ADAM29: variants seen among roughly 807,000 people sequenced by gnomAD.
ADAM29 encodes ADAM metallopeptidase domain 29, also known as disintegrin and metalloproteinase domain-containing protein 29.
For missense variants in ADAM29, 969 were observed against 1,001.8 expected, an observed-to-expected ratio of 0.97 and a Z score of 0.44; for synonymous variants, 367 against 342.3, an observed-to-expected ratio of 1.07 and a Z score of -0.80.
At position 174,976,200 on chromosome 4, in the gene ADAM29, A is replaced by C; in HGVS notation, c.675A>C (p.Leu225=). The C allele has an allele frequency of 6.2e-7, 1 of 1,607,888 alleles. No individual in the cohort carries two copies. The highest frequency in any genetic ancestry group is 2.2e-5 in the East Asian group (1 of 44,864). The change falls in exon 5 of 5, where the codon CTA becomes CTC. Residue 225 remains leucine (L), a synonymous_variant. Transcript: ENST00000359240. ...ACGACTCAAAGTTGCTGGAGGATCTATATGTTATTGTTAATATAGTGGATT... is the reference window on the plus strand; with the variant it reads ...ACGACTCAAAGTTGCTGGAGGATCTCTATGTTATTGTTAATATAGTGGATT... The part of the protein sequence containing the change: ...ERNDSKLLED[L]YVIVNIVDSI...
rs1242703806 is a variant in ADAM29, at chr4:174,975,891, T to C, written c.366T>C (p.Gly122=). The C allele has an allele frequency of 2.5e-6, 4 of 1,612,774 alleles. No homozygotes were observed. Among genetic ancestry groups the C allele is most frequent in the Admixed American group, 1.7e-5 (1 of 59,772 alleles). Residue 122 remains glycine, a synonymous_variant, in exon 5 of 5, where the codon GGT becomes GGC. Transcript: ENST00000359240. The part of the protein sequence containing the change: ...SLVSLSTCFG[G]FQGILQINDF... The stretch of plus-strand genomic sequence containing the variant: ...TTTCCCTCAGTACCTGTTTTGGGGG[T>C]TTTCAAGGAATATTACAGATAAATG...
At chr4:174,929,827 G>A (rs1204870984) in intron 2 of ADAM29, among the ~76,000 whole-genome samples, 11 of 150,422 alleles carry the variant, frequency 7.3e-5, no homozygotes, top group Admixed American at 1.3e-4. Context: ...CGCGATCTCA[G>A]CTCACTGCAA....
chr4:174,976,948 T>A lies in ADAM29; in HGVS notation c.1423T>A (p.Cys475Ser). ...GTGGTGCAATGGTACTTCCCATAAG[T>A]GCCCAGATGACTTTTATGTGGAAGA... Reference protein sequence around the residue: ...PEWCNGTSHKCPDDFYVEDGI... With the variant: ...PEWCNGTSHKSPDDFYVEDGI... The change falls in exon 5 of 5, where the codon TGC becomes AGC. Residue 475 changes from cysteine (C) to serine (S), a missense_variant. Coordinates refer to ENST00000359240, the MANE Select transcript of ADAM29 (RefSeq NM_014269.4). The A allele has an allele frequency of 6.2e-7, 1 of 1,614,090 alleles. No homozygotes were observed. The highest frequency in any genetic ancestry group is 8.5e-7 in the Non-Finnish European group (1 of 1,180,016).
intron 4 of ADAM29, among the ~76,000 whole-genome samples, chr4:174,937,513 G>A (rs1291601672): frequency 2.0e-5 from 3 of 151,880 alleles, no homozygotes; most frequent in Non-Finnish European, 4.4e-5. Context: ...TCTGTAGTCA[G>A]ACCAGGCCAT....
intron 4 of ADAM29, among the ~76,000 whole-genome samples, chr4:174,956,217 A>C (rs541934441): frequency 2.5e-4 from 38 of 152,148 alleles, no homozygotes; most frequent in Non-Finnish European, 5.2e-4. Context: ...CCGTCTGTCA[A>C]CTTAAGCACA....
chr4:174,937,995 G>A (rs10155340), intron 4 of ADAM29, among the ~76,000 whole-genome samples: 134,697 of 152,054 alleles, frequency 0.89, 59,993 homozygotes, highest in East Asian at 0.96. Context: ...GCATGGTCTC[G>A]TGACAATAAT....
chr4:174,977,890 C>T lies in ADAM29; in HGVS notation c.2365C>T (p.Gln789Ter), dbSNP rs1351698820. ...TGTGATGCCTTCCCAGAGTCATCCT[C>T]AGTTGACGCCTTCCCAGAGTCAACC... is the stretch of plus-strand genomic sequence containing the variant. Reference protein sequence around the residue: ...PPVMPSQSHPQLTPSQSQPPV... With the variant: ...PPVMPSQSHP Residue 789 changes from glutamine to a stop codon, truncating the protein, a stop_gained, in exon 5 of 5, where the codon CAG becomes TAG. Coordinates refer to ENST00000359240, the MANE Select transcript of ADAM29 (RefSeq NM_014269.4). LOFTEE classifies it high-confidence loss of function. 1.3e-6 allele frequency: 2 copies of T among 1,586,814 alleles called. No homozygotes were observed. The highest frequency in any genetic ancestry group is 1.7e-6 in the Non-Finnish European group (2 of 1,165,390).
intron 4 of ADAM29, among the ~76,000 whole-genome samples, chr4:174,970,638 G>GTGT (rs1746421519): frequency 6.6e-6 from 1 of 152,110 alleles, no homozygotes; most frequent in Non-Finnish European, 1.5e-5. Context: ...TAATACATTT[G>GTGT]TGTTGCTTTA....
chr4:174,955,685 T>C (rs1159155892), intron 4 of ADAM29, among the ~76,000 whole-genome samples: 1 of 152,072 alleles, frequency 6.6e-6, no homozygotes. Flanking sequence ...TCAATTTTAT[T>C]CTGCATGTAC....
chr4:174,948,059 T>C (rs2111003709), intron 4 of ADAM29, among the ~76,000 whole-genome samples: 1 of 152,358 alleles, frequency 6.6e-6, no homozygotes, highest in Non-Finnish European at 1.5e-5. Context: ...TTTCATCTTT[T>C]ACCTCCTGTA....
In ADAM29 at chr4:174,920,682, C is replaced by T. The variant is rs1411136727; in HGVS notation, c.-556-5C>T. ...TAGATAACATAATTGTTTCCATTCC[C>T]ATAGCTTGCTGGATGAATAAAGGAA... On this transcript the variant is annotated splice_polypyrimidine_tract_variant and splice_region_variant and intron_variant, in intron 1 of 4. Transcript: ENST00000359240. The T allele has an allele frequency of 6.6e-6, 1 of 152,050 alleles. No individual in the cohort carries two copies. Among genetic ancestry groups the T allele is most frequent in the Non-Finnish European group, 1.5e-5 (1 of 67,994 alleles). 9.4% of individuals were successfully genotyped at this position (152,050 alleles called of 1,614,324 possible). A position where few individuals can be genotyped will look rare whatever the true frequency, so the allele number is the denominator to read the frequency against.
Position 174,947,215 on chromosome 4 carries a change from T to A in ADAM29, c.-181+10202T>A, listed in dbSNP as rs189992368. 4.9e-4 allele frequency among the ~76,000 whole-genome samples: 75 copies of A among 152,220 alleles called. 1 individual carries two copies. In the Middle Eastern group the frequency reaches 0.014, roughly 28 times the overall value. ...AGCCAACTCCTGCTGGATTTGTTGATCTTTTTATGGTTTCATGAATGTGTC... is the reference window on the plus strand; with the variant it reads ...AGCCAACTCCTGCTGGATTTGTTGAACTTTTTATGGTTTCATGAATGTGTC... On this transcript the variant is annotated intron_variant, in intron 4 of 4. Coordinates refer to ENST00000359240, the MANE Select transcript of ADAM29 (RefSeq NM_014269.4).
At chr4:174,933,210 A>G (rs1217057738) in intron 3 of ADAM29, among the ~76,000 whole-genome samples, 1 of 152,188 alleles carries the variant, frequency 6.6e-6, no homozygotes, top group Non-Finnish European at 1.5e-5. Flanking sequence ...CCAGCAGAGG[A>G]CAGAGCACAT....
intron 2 of ADAM29, among the ~76,000 whole-genome samples, chr4:174,926,831 T>C (rs1218055319): frequency 1.3e-5 from 2 of 151,682 alleles, no homozygotes; most frequent in African/African-American, 2.4e-5. Flanking sequence ...GCTATCTATA[T>C]GGCTACCACC....
At position 174,975,479 on chromosome 4, in the gene ADAM29, C is replaced by G; in HGVS notation, c.-47C>G. 1 of 1,491,432 alleles carries G rather than the reference C, an allele frequency of 6.7e-7. No homozygotes were observed. Among genetic ancestry groups the G allele is most frequent in the Non-Finnish European group, 8.9e-7 (1 of 1,120,326 alleles). The allele number at this position is 1,491,432 out of a possible 1,614,324, so 92.4% of individuals were successfully genotyped here. The stretch of plus-strand genomic sequence containing the variant: ...TGACTTCTGCTCTGGACCAGTGTTT[C>G]CATAACAGGGACTTCAAAATCACTG... On this transcript the variant is annotated 5_prime_UTR_variant, in exon 5 of 5. Transcript: ENST00000359240.
rs115206640 is a variant in ADAM29, at chr4:174,970,013, C to T, written c.-180-5333C>T. Among the ~76,000 whole-genome samples the T allele has an allele frequency of 6.8e-3, 1,028 of 152,076 alleles. 4 individuals are homozygous for T. The highest frequency in any genetic ancestry group is 0.037 in the Middle Eastern group (11 of 294). On this transcript the variant is annotated intron_variant, in intron 4 of 4. Coordinates refer to ENST00000359240, the MANE Select transcript of ADAM29 (RefSeq NM_014269.4). ...ATTAGAAGGCACCTGTCTCCACATC[C>T]TCACTGACTGTTAAGTGACACCATG...
intron 4 of ADAM29, among the ~76,000 whole-genome samples, chr4:174,967,382 G>A (rs1002407384): frequency 2.0e-5 from 3 of 152,060 alleles, no homozygotes; most frequent in African/African-American, 7.2e-5. Context: ...TTTGGTACTT[G>A]GAGTTTCTAA....
In ADAM29 at chr4:174,931,030, C is replaced by T. The variant is rs894092874; in HGVS notation, c.-406C>T. 3 of 152,056 alleles carry T rather than the reference C, an allele frequency of 2.0e-5. No individual in the cohort carries two copies. The highest frequency in any genetic ancestry group is 4.4e-5 in the Non-Finnish European group (3 of 68,024). The allele number at this position is 152,056 out of a possible 1,614,324, so 9.4% of individuals were successfully genotyped here. ...TCCCTGCAGTCTCACGAACTGTGAA[C>T]AAAAACTGAAGTGAAAACTCATAGT... On this transcript the variant is annotated 5_prime_UTR_variant, in exon 3 of 5. Coordinates refer to ENST00000359240, the MANE Select transcript of ADAM29 (RefSeq NM_014269.4).
intron 4 of ADAM29, among the ~76,000 whole-genome samples, chr4:174,946,560 C>A (rs1045469697): frequency 6.6e-6 from 1 of 152,090 alleles, no homozygotes; most frequent in African/African-American, 2.4e-5. Flanking sequence ...GAGAGGGTAT[C>A]CTTGTCTTTT....
Sources: allele counts gnomAD v4.1 joint callset (sites outside exome capture counted in the v4.1 genomes callset), GRCh38; gene constraint gnomAD v4.1.1; transcripts MANE v1.5; gene names NCBI Gene and HGNC (gene_info 2026-07-23, HGNC 2026-07-21).